Variants in CABCOCO1 observed in about 807,000 individuals in gnomAD.
CABCOCO1 encodes the protein ciliary-associated calcium-binding coiled-coil protein 1.
Under a neutral mutation model 35.7 loss-of-function variants are expected in CABCOCO1, and 28 were observed. That is an observed-to-expected ratio of 0.78 (90% CI 0.58 to 1.07). The LOEUF (loss-of-function observed/expected upper bound fraction) is 1.07, where lower values mean the gene tolerates loss of function less well. Ranked by LOEUF, CABCOCO1 falls within the 50% of genes least tolerant of loss-of-function variation. The probability of loss-of-function intolerance (pLI) is 0.00; values close to 1 mark genes in which losing one functional copy is unlikely to be tolerated. For synonymous variants in CABCOCO1, 95 were observed against 100.1 expected (o/e 0.95, Z 0.30); for missense variants, 326 against 309.2 (o/e 1.05, Z -0.41).
Position 61,730,864 on chromosome 10 carries a change from G to A in CABCOCO1, c.553-29195G>A, listed in dbSNP as rs557986688. Among the ~76,000 whole-genome samples the A allele has an allele frequency of 3.9e-5, 6 of 151,906 alleles. No individual in the cohort carries two copies. The East Asian group carries it at 1.2e-3, about 29-fold the overall frequency. The stretch of plus-strand genomic sequence containing the variant: ...ATAAATCATTAAGAAACGTCAGACA[G>A]CCCCAAAGAGGGAGATTCTAAAAGG... On this transcript the variant is annotated intron_variant, in intron 5 of 7. Coordinates refer to ENST00000648843, the MANE Select transcript of CABCOCO1 (RefSeq NM_001366906.2).
At chr10:61,680,690 TAAC>T (rs1839747633) in intron 2 of CABCOCO1, among the ~76,000 whole-genome samples, 5 of 89,590 alleles carry the variant, frequency 5.6e-5, no homozygotes, top group African/African-American at 2.2e-4. Flanking sequence ...TATACATGTA[TAAC>T]ATATATATGT....
chr10:61,754,498 A>T (rs1841856727), intron 5 of CABCOCO1, among the ~76,000 whole-genome samples: 1 of 152,152 alleles, frequency 6.6e-6, no homozygotes, highest in Middle Eastern at 3.2e-3. Flanking sequence ...TCCAAATTGT[A>T]GTATTGGCCT....
chr10:61,713,494 C>A (rs1238833096), intron 5 of CABCOCO1, among the ~76,000 whole-genome samples: 4 of 152,112 alleles, frequency 2.6e-5, no homozygotes. Flanking sequence ...TAATTGAATA[C>A]GCTTTATTTC....
chr10:61,735,538 C>T (rs983106555), intron 5 of CABCOCO1, among the ~76,000 whole-genome samples: 6 of 152,170 alleles, frequency 3.9e-5, no homozygotes, highest in East Asian at 1.9e-4. Context: ...CTGAAAAAGA[C>T]GAGGGCCTTG....
intron 7 of CABCOCO1, among the ~76,000 whole-genome samples, chr10:61,762,453 C>G (rs998107534): frequency 1.4e-4 from 22 of 152,016 alleles, no homozygotes; most frequent in African/African-American, 5.1e-4. Context: ...GGATGTGGAC[C>G]AGAGGACAGG....
intron 5 of CABCOCO1, among the ~76,000 whole-genome samples, chr10:61,695,712 C>G (rs916847145): frequency 2.6e-5 from 4 of 151,820 alleles, no homozygotes; most frequent in Non-Finnish European, 4.4e-5. Flanking sequence ...GCCAGAGGAC[C>G]ATGAAGTAAT....
chr10:61,670,537 A>G (rs2131952165), intron 1 of CABCOCO1, among the ~76,000 whole-genome samples: 1 of 152,288 alleles, frequency 6.6e-6, no homozygotes, highest in African/African-American at 2.4e-5. Context: ...GCCAATTACC[A>G]TTACCAATAA....
intron 5 of CABCOCO1, among the ~76,000 whole-genome samples, chr10:61,702,946 C>T (rs1470443737): frequency 6.0e-5 from 9 of 150,664 alleles, no homozygotes; most frequent in African/African-American, 2.2e-4. Flanking sequence ...AAAACAACAA[C>T]AGAGTTCTCT....
intron 5 of CABCOCO1, among the ~76,000 whole-genome samples, chr10:61,720,363 G>A (rs1385617278): frequency 1.3e-5 from 2 of 152,124 alleles, no homozygotes; most frequent in Non-Finnish European, 2.9e-5. Context: ...TTGTCAACAG[G>A]ATTTTGGAAG....
chr10:61,713,052 G>A (rs573791523), intron 5 of CABCOCO1, among the ~76,000 whole-genome samples: 44 of 152,200 alleles, frequency 2.9e-4, no homozygotes, highest in Non-Finnish European at 6.0e-4. Flanking sequence ...GAAAGTCATT[G>A]GTAGTTTGAT....
At chr10:61,681,394 T>C in intron 3 of CABCOCO1, 82 bp downstream of exon 3, 2 of 1,032,068 alleles carry the variant, frequency 1.9e-6, no homozygotes, top group Non-Finnish European at 2.8e-6. Flanking sequence ...GTTACAGATT[T>C]TATTGTAATT....
At chr10:61,764,792 T>TTCTGAACCCAGA (rs1842074228) in intron 7 of CABCOCO1, among the ~76,000 whole-genome samples, 1 of 152,006 alleles carries the variant, frequency 6.6e-6, no homozygotes. Flanking sequence ...AAAAGACTGA[T>TTCTGAACCCAGA]ACTTATGTGA....
At chr10:61,695,757 G>A (rs35229380) in intron 5 of CABCOCO1, among the ~76,000 whole-genome samples, 2,364 of 151,956 alleles carry the variant, frequency 0.016, 38 homozygotes, top group East Asian at 0.046. Context: ...TGTCAATCTA[G>A]AACTTCATTC....
At chr10:61,686,472 A>T (rs1402079950) in intron 4 of CABCOCO1, among the ~76,000 whole-genome samples, 1 of 152,156 alleles carries the variant, frequency 6.6e-6, no homozygotes, top group Non-Finnish European at 1.5e-5. Flanking sequence ...AAATAAATTA[A>T]GAATTTCATT....
At chr10:61,761,153 A>G (rs1842001674) in intron 7 of CABCOCO1, 150 bp downstream of exon 7, 4 of 796,386 alleles carry the variant, frequency 5.0e-6, no homozygotes, top group Non-Finnish European at 7.8e-6. Context: ...TTCTCAGTTG[A>G]GTCATCAGAG....
chr10:61,663,054 C>A, intron 1 of CABCOCO1, 22 bp downstream of exon 1: 1 of 245,288 alleles, frequency 4.1e-6, no homozygotes, highest in Non-Finnish European at 9.3e-6. Flanking sequence ...CTTTCCCTTC[C>A]CGGTACCGGT....
At chr10:61,702,234 T>C (rs372831097) in intron 5 of CABCOCO1, among the ~76,000 whole-genome samples, 1 of 152,244 alleles carries the variant, frequency 6.6e-6, no homozygotes, top group Non-Finnish European at 1.5e-5. Context: ...AGATGATCTA[T>C]GAGTATGTGA....
At chr10:61,665,691 T>C (rs1182335786) in intron 1 of CABCOCO1, among the ~76,000 whole-genome samples, 1 of 151,732 alleles carries the variant, frequency 6.6e-6, no homozygotes, top group East Asian at 1.9e-4. Context: ...ATCGAGACCA[T>C]CCTGGCTAAC....
chr10:61,680,155 A>G (rs986598337), intron 2 of CABCOCO1, among the ~76,000 whole-genome samples: 5 of 151,394 alleles, frequency 3.3e-5, no homozygotes, highest in Non-Finnish European at 7.4e-5. Flanking sequence ...TACTAAAAAT[A>G]CAAAAAATTA....
Sources: gnomAD v4.1 joint callset for allele counts (sites outside exome capture counted in the v4.1 genomes callset) on GRCh38, gnomAD v4.1.1 for gene constraint, MANE v1.5 for transcripts, NCBI Gene and HGNC (gene_info 2026-07-23, HGNC 2026-07-21) for gene names.